TANGO6: variants seen among roughly 807,000 people sequenced by gnomAD.
TANGO6 encodes the protein transport and Golgi organization protein 6 homolog.
A neutral mutation model predicts 114.2 loss-of-function variants in TANGO6; 90 were observed. The observed-to-expected ratio is 0.79, with a 90% CI of 0.66 to 0.94. The LOEUF is 0.94. TANGO6 is among the 40% of genes least tolerant of loss of function. The probability of loss-of-function intolerance (pLI) is 0.00; values close to 1 mark genes in which losing one functional copy is unlikely to be tolerated. For synonymous variants in TANGO6, 477 were observed against 509.8 expected (o/e 0.94, Z 0.87); for missense variants, 1,274 against 1,315.3 (o/e 0.97, Z 0.49).
intron 17 of TANGO6, among the ~76,000 whole-genome samples, chr16:69,047,701 G>C (rs1407630491): frequency 6.6e-6 from 1 of 152,116 alleles, no homozygotes; most frequent in African/African-American, 2.4e-5. Flanking sequence ...ATTTATCAAG[G>C]TAACTACTGC....
intron 15 of TANGO6, among the ~76,000 whole-genome samples, chr16:68,975,408 G>A (rs1302734418): frequency 2.0e-5 from 3 of 151,698 alleles, no homozygotes; most frequent in Non-Finnish European, 4.4e-5. Context: ...TCATGGTAGA[G>A]TTGGGGTCTC....
rs796493408 is a variant in TANGO6, at chr16:68,852,318, A to AT, written c.95-7563dup. 5.3e-5 allele frequency among the ~76,000 whole-genome samples: 8 copies of AT among 152,316 alleles called. 1 individual carries two copies. Among genetic ancestry groups the AT allele is most frequent in the African/African-American group, 1.9e-4 (8 of 41,582 alleles). ...AACAAACACCTGTTATGGGACATGC[A>AT]TTTCTAATTTTACACTATTATAAAT... On this transcript the variant is annotated intron_variant, in intron 1 of 17. Coordinates refer to ENST00000261778, the MANE Select transcript of TANGO6 (RefSeq NM_024562.2).
chr16:68,998,554 A>AC (rs752226753), intron 15 of TANGO6, among the ~76,000 whole-genome samples: 15 of 151,816 alleles, frequency 9.9e-5, no homozygotes, highest in African/African-American at 1.7e-4. Context: ...ACATAGTGAA[A>AC]CCCTGTCTCT....
At chr16:68,848,398 A>T (rs1239137991) in intron 1 of TANGO6, among the ~76,000 whole-genome samples, 1 of 152,148 alleles carries the variant, frequency 6.6e-6, no homozygotes, top group Non-Finnish European at 1.5e-5. Flanking sequence ...CACTACCCAG[A>T]GGGTACCACT....
chr16:68,914,088 G>C (rs553266894), intron 11 of TANGO6, among the ~76,000 whole-genome samples: 1 of 152,282 alleles, frequency 6.6e-6, no homozygotes, highest in African/African-American at 2.4e-5. Flanking sequence ...GCCCCCATAG[G>C]ACTACTGTGA....
chr16:69,057,228 C>T (rs910774919), intron 17 of TANGO6, among the ~76,000 whole-genome samples: 4 of 151,930 alleles, frequency 2.6e-5, no homozygotes, highest in Non-Finnish European at 4.4e-5. Context: ...AATAAAAATA[C>T]TCTCTCAGTT....
At chr16:68,943,292 A>G (rs1473254303) in intron 14 of TANGO6, among the ~76,000 whole-genome samples, 1 of 146,880 alleles carries the variant, frequency 6.8e-6, no homozygotes, top group Admixed American at 6.8e-5. Context: ...TTTTTGAGAC[A>G]GGGTCTTACC....
At chr16:68,906,508 A>G (rs1326877953) in intron 9 of TANGO6, among the ~76,000 whole-genome samples, 5 of 151,766 alleles carry the variant, frequency 3.3e-5, no homozygotes, top group African/African-American at 1.2e-4. Flanking sequence ...GAATATCTGC[A>G]TATGACTTAT....
chr16:68,872,655 C>A (rs1962292201), intron 4 of TANGO6, among the ~76,000 whole-genome samples: 4 of 146,542 alleles, frequency 2.7e-5, no homozygotes, highest in Admixed American at 2.1e-4. Context: ...TCCTTCTTTG[C>A]ATGCCTGGTA....
intron 17 of TANGO6, among the ~76,000 whole-genome samples, chr16:69,062,373 A>G (rs1346502286): frequency 6.6e-6 from 1 of 152,150 alleles, no homozygotes; most frequent in Non-Finnish European, 1.5e-5. Flanking sequence ...ACCATCCTGC[A>G]TCCTTATTAT....
At chr16:68,893,390 A>G (rs1962655923) in intron 7 of TANGO6, among the ~76,000 whole-genome samples, 1 of 152,162 alleles carries the variant, frequency 6.6e-6, no homozygotes, top group South Asian at 2.1e-4. Context: ...ATACCATTAA[A>G]AAAGGGAACT....
chr16:68,921,019 C>T (rs182716942), intron 12 of TANGO6, among the ~76,000 whole-genome samples: 43 of 145,432 alleles, frequency 3.0e-4, no homozygotes, highest in African/African-American at 1.0e-3. Context: ...AGGAGAATGG[C>T]GTGAACCTGG....
intron 12 of TANGO6, among the ~76,000 whole-genome samples, chr16:68,927,169 A>G (rs1963177827): frequency 6.6e-6 from 1 of 152,068 alleles, no homozygotes; most frequent in Admixed American, 6.6e-5. Context: ...TTCAAGGGAG[A>G]CTGCGTAGGG....
chr16:69,072,643 C>T (rs533573785), intron 17 of TANGO6, among the ~76,000 whole-genome samples: 1 of 152,082 alleles, frequency 6.6e-6, no homozygotes, highest in Non-Finnish European at 1.5e-5. Flanking sequence ...GGAAGAAGCT[C>T]TATACCAGGA....
intron 15 of TANGO6, among the ~76,000 whole-genome samples, 188 bp from the exon 16 acceptor site, chr16:69,022,640 G>T (rs532165270): frequency 6.6e-6 from 1 of 152,084 alleles, no homozygotes; most frequent in Non-Finnish European, 1.5e-5. Context: ...GGAGGTCAAG[G>T]CTGCAGTGAG....
chr16:68,903,918 T>C (rs1962816525), intron 9 of TANGO6, among the ~76,000 whole-genome samples: 1 of 149,788 alleles, frequency 6.7e-6, no homozygotes, highest in Admixed American at 6.7e-5. Context: ...TGAGACTCTG[T>C]CTCAAAAAAA....
At chr16:68,940,726 G>A (rs1963344687) in intron 14 of TANGO6, among the ~76,000 whole-genome samples, 1 of 152,180 alleles carries the variant, frequency 6.6e-6, no homozygotes, top group Non-Finnish European at 1.5e-5. Context: ...AACTTGGATT[G>A]TAGGAACTTG....
intron 17 of TANGO6, among the ~76,000 whole-genome samples, chr16:69,068,325 C>T (rs578010965): frequency 3.4e-4 from 52 of 152,098 alleles, no homozygotes; most frequent in Admixed American, 2.0e-3. Flanking sequence ...TAATAAAAAC[C>T]GCTTTGAGAG....
intron 16 of TANGO6, among the ~76,000 whole-genome samples, chr16:69,037,732 G>C (rs1166067759): frequency 3.3e-5 from 5 of 152,206 alleles, no homozygotes; most frequent in African/African-American, 1.2e-4. Context: ...AGCTTGCTGG[G>C]TCTTACTGAA....
Sources: gnomAD v4.1 joint callset for allele counts (sites outside exome capture counted in the v4.1 genomes callset) on GRCh38, gnomAD v4.1.1 for gene constraint, MANE v1.5 for transcripts, NCBI Gene and HGNC (gene_info 2026-07-23, HGNC 2026-07-21) for gene names.